SP100: variants seen among roughly 807,000 people sequenced by gnomAD.
The protein encoded by SP100 is SP100 nuclear body protein, also known as nuclear autoantigen Sp-100.
A neutral mutation model predicts 130.0 loss-of-function variants in SP100; 84 were observed. That is an observed-to-expected ratio of 0.65 (90% CI 0.54 to 0.77). The LOEUF (loss-of-function observed/expected upper bound fraction) is 0.77. Among genes scored for constraint, SP100 ranks in the 30% least tolerant of loss-of-function variants. SP100 has a pLI of 0.00. For synonymous variants in SP100, 331 were observed against 351.7 expected, an observed-to-expected ratio of 0.94 and a Z score of 0.66; for missense variants, 978 against 1,052.2, an observed-to-expected ratio of 0.93 and a Z score of 0.97.
Position 230,462,373 on chromosome 2 carries a change from C to A in SP100, c.974-62C>A. 3.8e-6 allele frequency: 5 copies of A among 1,305,350 alleles called. No individual in the cohort carries two copies. In the South Asian group the frequency reaches 6.0e-5, roughly 16 times the overall value. 80.9% of individuals were successfully genotyped at this position (1,305,350 alleles called of 1,614,324 possible). A position where few individuals can be genotyped will look rare whatever the true frequency, so the allele number is the denominator to read the frequency against. On this transcript the variant is annotated intron_variant, in intron 9 of 28. Coordinates refer to ENST00000340126, the MANE Select transcript of SP100 (RefSeq NM_001080391.2). ...CCTAGTGCTCTCATTGTGGAATTTC[C>A]TGGTGCATGGACTCCTTGGTCACAC...
chr2:230,535,285 T>G (rs1226400098), intron 24 of SP100, among the ~76,000 whole-genome samples: 2 of 152,218 alleles, frequency 1.3e-5, no homozygotes, highest in Non-Finnish European at 2.9e-5. Flanking sequence ...TGTAGGTTTC[T>G]GATGACTTTG....
At chr2:230,479,341 G>A (rs1185098442) in intron 17 of SP100, among the ~76,000 whole-genome samples, 4 of 152,096 alleles carry the variant, frequency 2.6e-5, no homozygotes, top group African/African-American at 7.2e-5. Flanking sequence ...ACTGTTTATA[G>A]GCTAATTATT....
chr2:230,509,045 A>G (rs33078), intron 23 of SP100: 128,169 of 152,246 alleles, frequency 0.84, 54,305 homozygotes, highest in Middle Eastern at 0.92. Flanking sequence ...CTGCTGACCT[A>G]GAAAATCTTT....
At chr2:230,479,281 G>A (rs555919449) in intron 17 of SP100, among the ~76,000 whole-genome samples, 1 of 152,234 alleles carries the variant, frequency 6.6e-6, no homozygotes, top group Non-Finnish European at 1.5e-5. Flanking sequence ...GATGCTGATG[G>A]TGTCTTTCTT....
At chr2:230,540,764 G>A in intron 25 of SP100, 112 bp from the exon 26 acceptor site, 1 of 1,367,768 alleles carries the variant, frequency 7.3e-7, no homozygotes, top group African/African-American at 1.4e-5. Context: ...GAGAGAAGTT[G>A]GATACAAGGT....
intron 8 of SP100, among the ~76,000 whole-genome samples, chr2:230,452,722 CAG>C (rs1474874041): frequency 3.3e-5 from 5 of 151,228 alleles, no homozygotes; most frequent in Non-Finnish European, 7.4e-5. Flanking sequence ...ATATGTTTTT[CAG>C]AGAGTTTATT....
Position 230,540,611 on chromosome 2 carries a change from A to C in SP100, c.2211-265A>C, listed in dbSNP as rs760861948. Among the ~76,000 whole-genome samples the C allele has an allele frequency of 1.0e-3, 153 of 152,304 alleles. 1 individual carries two copies. The highest frequency in any genetic ancestry group is 6.8e-3 in the Middle Eastern group (2 of 294). On this transcript the variant is annotated intron_variant, in intron 25 of 28. Transcript: ENST00000340126. ...TCAAGTTCCCAGTGGCTCAGATGGA[A>C]ACCCTAAGTTTTGAGGTGAATGAGA...
intron 19 of SP100, among the ~76,000 whole-genome samples, chr2:230,502,470 A>G (rs964454349): frequency 1.3e-5 from 2 of 152,178 alleles, no homozygotes; most frequent in African/African-American, 4.8e-5. Flanking sequence ...ATCTCTGAGC[A>G]TCAGTTTCCT....
intron 7 of SP100, 86 bp from the exon 8 acceptor site, chr2:230,450,086 G>A (rs1459876976): frequency 3.4e-6 from 3 of 888,990 alleles, no homozygotes; most frequent in African/African-American, 1.7e-5. Context: ...GGAGAAGAAA[G>A]GAGAAGCAGG....
chr2:230,511,412 A>C (rs1428287604), intron 24 of SP100, among the ~76,000 whole-genome samples: 4 of 152,190 alleles, frequency 2.6e-5, no homozygotes, highest in Admixed American at 6.5e-5. Context: ...TAGGAGGCTG[A>C]GCTCTAGATC....
rs1326355544 is a variant in SP100 at position 230,427,513 on chromosome 2, T to A, written c.107+9848T>A. ...TTGTTTGATATTGTGGGGTTTTTTT[T>A]AATCCATTCAGTCACTCTATTTCTT... is the stretch of plus-strand genomic sequence containing the variant. On this transcript the variant is annotated intron_variant, in intron 2 of 28. Coordinates refer to ENST00000340126, the MANE Select transcript of SP100 (RefSeq NM_001080391.2). Among the ~76,000 whole-genome samples the A allele has an allele frequency of 2.6e-5, 4 of 152,184 alleles. No individual in the cohort carries two copies. In the East Asian group the frequency reaches 5.8e-4, roughly 22 times the overall value.
chr2:230,435,485 T>C lies in SP100; in HGVS notation c.108-7452T>C, dbSNP rs544046336. Among the ~76,000 whole-genome samples, 18 of 152,360 alleles carry C rather than the reference T, an allele frequency of 1.2e-4. 1 individual carries two copies. The South Asian group carries it at 3.7e-3, about 32-fold the overall frequency. ...GAGAAATCTTCCTTTAACTATTCTCTTCTCAAATGTTTTTTGTCTGACTCA... is the reference window on the plus strand; with the variant it reads ...GAGAAATCTTCCTTTAACTATTCTCCTCTCAAATGTTTTTTGTCTGACTCA... On this transcript the variant is annotated intron_variant, in intron 2 of 28. Coordinates refer to ENST00000340126, the MANE Select transcript of SP100 (RefSeq NM_001080391.2).
At chr2:230,443,133 A>G in intron 3 of SP100, 34 bp downstream of exon 3, 1 of 1,605,170 alleles carries the variant, frequency 6.2e-7, no homozygotes, top group Non-Finnish European at 8.5e-7. Context: ...AATCTGGTAA[A>G]GCAGCCCCAA....
chr2:230,465,256 A>C (rs6739283), intron 11 of SP100, among the ~76,000 whole-genome samples: 36,474 of 151,350 alleles, frequency 0.24, 4,991 homozygotes, highest in Middle Eastern at 0.32. Context: ...ATTAGCCAGG[A>C]ATGGTAGTGT....
intron 15 of SP100, 90 bp downstream of exon 15, chr2:230,470,188 G>A (rs1283201908): frequency 2.0e-6 from 3 of 1,516,594 alleles, no homozygotes; most frequent in African/African-American, 2.8e-5. Flanking sequence ...TTTATTCTGA[G>A]CACCTTCACT....
intron 22 of SP100, 106 bp downstream of exon 22, chr2:230,506,551 T>G (rs1690119515): frequency 9.0e-7 from 1 of 1,108,970 alleles, no homozygotes; most frequent in South Asian, 1.5e-5. Context: ...CATGACTTCC[T>G]CTGCCCAGGT....
At chr2:230,528,758 C>G (rs1691554988) in intron 24 of SP100, among the ~76,000 whole-genome samples, 1 of 152,162 alleles carries the variant, frequency 6.6e-6, no homozygotes. Context: ...CACCACAGAT[C>G]CCACAGAAAT....
intron 21 of SP100, among the ~76,000 whole-genome samples, chr2:230,504,990 T>A (rs763702251): frequency 6.6e-6 from 1 of 152,168 alleles, no homozygotes; most frequent in Non-Finnish European, 1.5e-5. Flanking sequence ...AAGGGCTTTA[T>A]CTTTATGGAT....
At chr2:230,473,508 T>TGGGAAGTGATCAGAGTTGAAGC in intron 16 of SP100, 68 bp downstream of exon 16, 1 of 922,574 alleles carries the variant, frequency 1.1e-6, no homozygotes. Flanking sequence ...GGTAGGGATG[T>TGGGAAGTGATCAGAGTTGAAGC]GGGAAGTGAT....
Sources: gnomAD v4.1 joint callset for allele counts (sites outside exome capture counted in the v4.1 genomes callset) on GRCh38, gnomAD v4.1.1 for gene constraint, MANE v1.5 for transcripts, NCBI Gene and HGNC (gene_info 2026-07-23, HGNC 2026-07-21) for gene names.